TPM3: variants seen among roughly 807,000 people sequenced by gnomAD.
TPM3 encodes tropomyosin 3, also known as tropomyosin alpha-3 chain.
Under a neutral mutation model 43.1 loss-of-function variants are expected in TPM3, and 16 were observed. The observed-to-expected ratio is 0.37, with a 90% CI of 0.25 to 0.56. The LOEUF (loss-of-function observed/expected upper bound fraction) is 0.56, where lower values mean the gene tolerates loss of function less well. Ranked by LOEUF, TPM3 falls within the 20% of genes least tolerant of loss-of-function variation. TPM3 has a pLI of 0.77. For synonymous variants in TPM3, 101 were observed against 116.9 expected (o/e 0.86, Z 0.88); for missense variants, 176 against 337.2 (o/e 0.52, Z 3.74).
rs1019434539 is a variant in TPM3 at position 154,170,169 on chromosome 1, A to T, written c.775+231T>A. On this transcript the variant is annotated intron_variant, in intron 8 of 9. Transcript: ENST00000651641. The stretch of plus-strand genomic sequence containing the variant: ...ATCATTCTCCTCAAAAGGGAAGGGT[A>T]CAAATTGCAGACTATTTGGTAAAGT... 7.4e-6 allele frequency: 4 copies of T among 541,028 alleles called. No homozygotes were observed. In the African/African-American group the frequency reaches 7.6e-5, roughly 10 times the overall value. 33.5% of individuals were successfully genotyped at this position (541,028 alleles called of 1,614,324 possible).
chr1:154,182,190 T>C (rs148547554), intron 2 of TPM3, among the ~76,000 whole-genome samples: 170 of 152,350 alleles, frequency 1.1e-3, no homozygotes, highest in African/African-American at 3.8e-3. Flanking sequence ...GGCCTGAATC[T>C]GACAGAAGTT....
intron 2 of TPM3, among the ~76,000 whole-genome samples, chr1:154,181,740 C>A (rs777607482): frequency 3.9e-5 from 6 of 152,002 alleles, no homozygotes; most frequent in Admixed American, 3.9e-4. Flanking sequence ...GCCAACATGG[C>A]GAAACCCCGT....
At chr1:154,169,971 G>T (rs771057409) in intron 8 of TPM3, 1 of 276,014 alleles carries the variant, frequency 3.6e-6, no homozygotes, top group Non-Finnish European at 7.0e-6. Flanking sequence ...TTCAGATATG[G>T]TTATTCCACA....
At chr1:154,174,263 A>AGGT (rs1413522620) in intron 3 of TPM3, among the ~76,000 whole-genome samples, 1 of 149,934 alleles carries the variant, frequency 6.7e-6, no homozygotes, top group Non-Finnish European at 1.5e-5. Flanking sequence ...TGAACCCGGG[A>AGGT]GGTGGAGGTT....
rs1661075280 is a variant in TPM3 at position 154,167,176 on chromosome 1, G to C, written c.*761C>G. The stretch of plus-strand genomic sequence containing the variant: ...CTTATATCCCACTAGTCACACACTA[G>C]CAGGCAAATGGTAGCAAGTCTCAAA... On this transcript the variant is annotated 3_prime_UTR_variant, in exon 10 of 10. Coordinates refer to ENST00000651641, the MANE Select transcript of TPM3 (RefSeq NM_152263.4). 2.5e-6 allele frequency: 1 copy of C among 407,222 alleles called. No individual in the cohort carries two copies. Among genetic ancestry groups the C allele is most frequent in the Non-Finnish European group, 3.3e-6 (1 of 301,896 alleles). 25.2% of individuals were successfully genotyped at this position (407,222 alleles called of 1,614,324 possible).
chr1:154,174,259 C>T (rs925257056), intron 3 of TPM3, among the ~76,000 whole-genome samples: 6 of 150,332 alleles, frequency 4.0e-5, no homozygotes, highest in African/African-American at 9.7e-5. Context: ...GGCTTGAACC[C>T]GGGAGGTGGA....
intron 3 of TPM3, among the ~76,000 whole-genome samples, chr1:154,173,967 G>A (rs12066722): frequency 1.2e-3 from 184 of 152,146 alleles, no homozygotes; most frequent in African/African-American, 4.3e-3. Flanking sequence ...GCGACAGAGT[G>A]AGACACCGTC....
Position 154,167,678 on chromosome 1 carries a change from C to T in TPM3, c.*259G>A. On this transcript the variant is annotated 3_prime_UTR_variant, in exon 10 of 10. Transcript: ENST00000651641. Reference sequence around the variant, plus strand: ...CCTACAATAGCTCTTCCCCACATCACACCCCCAAGGCTCCTTCTTAGGGAC... The same window carrying T: ...CCTACAATAGCTCTTCCCCACATCATACCCCCAAGGCTCCTTCTTAGGGAC... The T allele has an allele frequency of 2.2e-6, 3 of 1,347,772 alleles. No homozygotes were observed. The highest frequency in any genetic ancestry group is 2.9e-6 in the Non-Finnish European group (3 of 1,042,024). 83.5% of individuals were successfully genotyped at this position (1,347,772 alleles called of 1,614,324 possible). A position where few individuals can be genotyped will look rare whatever the true frequency, so the allele number is the denominator to read the frequency against.
At chr1:154,172,415 A>AT (rs200258420) in intron 5 of TPM3, 745 of 563,924 alleles carry the variant, frequency 1.3e-3, no homozygotes, top group East Asian at 2.3e-3. Flanking sequence ...CAGACACCAG[A>AT]TTTTTTTTTT....
downstream of TPM3, chr1:154,158,584 C>A (rs1025689937): frequency 1.1e-5 from 4 of 358,226 alleles, no homozygotes; most frequent in African/African-American, 8.3e-5. Context: ...ATTCCTGGGC[C>A]TGCCGATGAA....
At chr1:154,172,652 A>G in intron 5 of TPM3, 1 of 540,496 alleles carries the variant, frequency 1.9e-6, no homozygotes, top group South Asian at 2.0e-5. Flanking sequence ...TTCACCATGT[A>G]TTAGTCCTTA....
chr1:154,171,917 T>G, intron 5 of TPM3: 1 of 1,080,450 alleles, frequency 9.3e-7, no homozygotes, highest in Non-Finnish European at 1.4e-6. Flanking sequence ...CATGAAGAGA[T>G]GAGACAGCAC....
At chr1:154,190,076 G>T (rs1409103790) in intron 2 of TPM3, among the ~76,000 whole-genome samples, 11 of 151,932 alleles carry the variant, frequency 7.2e-5, no homozygotes, top group Admixed American at 5.9e-4. Flanking sequence ...TGAGTAGCTG[G>T]GATTACAGGC....
chr1:154,167,673 C>G lies in TPM3; in HGVS notation c.*264G>C, dbSNP rs1442724269. 56 of 1,344,336 alleles carry G rather than the reference C, an allele frequency of 4.2e-5. No homozygotes were observed. Among genetic ancestry groups the G allele is most frequent in the Non-Finnish European group, 5.1e-5 (53 of 1,040,324 alleles). 83.3% of individuals were successfully genotyped at this position (1,344,336 alleles called of 1,614,324 possible). ...GGGAGCCTACAATAGCTCTTCCCCACATCACACCCCCAAGGCTCCTTCTTA... is the reference window on the plus strand; with the variant it reads ...GGGAGCCTACAATAGCTCTTCCCCAGATCACACCCCCAAGGCTCCTTCTTA... On this transcript the variant is annotated 3_prime_UTR_variant, in exon 10 of 10. Transcript: ENST00000651641.
intron 3 of TPM3, among the ~76,000 whole-genome samples, chr1:154,174,058 C>T (rs551723488): frequency 2.5e-4 from 38 of 151,850 alleles, no homozygotes; most frequent in African/African-American, 8.2e-4. Flanking sequence ...TACAGCTGGG[C>T]GTGGTGGCTC....
intron 2 of TPM3, chr1:154,183,290 G>A: frequency 1.3e-6 from 2 of 1,505,800 alleles, no homozygotes; most frequent in Middle Eastern, 2.4e-4. Flanking sequence ...CAGGCGGGAA[G>A]GCAGTCCACT....
In TPM3 at chr1:154,167,456, C is replaced by CA; in HGVS notation, c.*480dup. The CA allele has an allele frequency of 9.3e-7, 1 of 1,076,832 alleles. No homozygotes were observed. Among genetic ancestry groups the CA allele is most frequent in the African/African-American group, 1.6e-5 (1 of 61,306 alleles). 66.7% of individuals were successfully genotyped at this position (1,076,832 alleles called of 1,614,324 possible). A position where few individuals can be genotyped will look rare whatever the true frequency, so the allele number is the denominator to read the frequency against. On this transcript the variant is annotated 3_prime_UTR_variant, in exon 10 of 10. Transcript: ENST00000651641. ...ACCTGAAGAGAGAATGGAAACACTG[C>CA]AGGCAGGATGATTTAAGAACCTGGA...
At chr1:154,170,932 T>A (rs1375086843) in intron 6 of TPM3, 4 of 588,060 alleles carry the variant, frequency 6.8e-6, no homozygotes, top group Non-Finnish European at 1.2e-5. Flanking sequence ...CCATGACTTT[T>A]TAAGATGGAT....
At chr1:154,170,618 G>C in intron 7 of TPM3, 31 bp downstream of exon 7, 1 of 1,607,516 alleles carries the variant, frequency 6.2e-7, no homozygotes, top group South Asian at 1.1e-5. Flanking sequence ...TAAATGTTTT[G>C]GGTTCTGCCC....
Sources: allele counts gnomAD v4.1 joint callset (sites outside exome capture counted in the v4.1 genomes callset), GRCh38; gene constraint gnomAD v4.1.1; transcripts MANE v1.5; gene names NCBI Gene and HGNC (gene_info 2026-07-23, HGNC 2026-07-21).